Variants in DOP1B observed in about 807,000 individuals in gnomAD.
DOP1B encodes protein DOP1B.
A neutral mutation model predicts 233.5 loss-of-function variants in DOP1B; 174 were observed. The observed-to-expected ratio is 0.75, with a 90% CI of 0.66 to 0.85. The LOEUF is 0.85. Ranked by LOEUF, DOP1B falls within the 40% of genes least tolerant of loss-of-function variation. The pLI, the probability that DOP1B is intolerant of heterozygous loss-of-function variation, is 0.00. For missense variants in DOP1B, 2,652 were observed against 2,846.6 expected (o/e 0.93, Z 1.56); for synonymous variants, 1,190 against 1,185.6 (o/e 1.00, Z -0.08).
chr21:36,290,863 C>G (rs372589190), intron 35 of DOP1B, among the ~76,000 whole-genome samples: 9 of 149,496 alleles, frequency 6.0e-5, no homozygotes, highest in Admixed American at 6.0e-4. Context: ...CCAGCTACTT[C>G]GGAAGCTGAG....
At chr21:36,236,542 G>C (rs571522499) in intron 15 of DOP1B, among the ~76,000 whole-genome samples, 2 of 152,262 alleles carry the variant, frequency 1.3e-5, no homozygotes, top group African/African-American at 4.8e-5. Context: ...TCCCCAGAGG[G>C]TACATCTGTG....
chr21:36,268,208 G>T (rs530475116), intron 26 of DOP1B, among the ~76,000 whole-genome samples: 1 of 152,076 alleles, frequency 6.6e-6, no homozygotes, highest in Non-Finnish European at 1.5e-5. Flanking sequence ...TTCCCACAGT[G>T]GCTGTTTATA....
intron 2 of DOP1B, chr21:36,170,163 G>T (rs984615325): frequency 2.1e-6 from 1 of 487,648 alleles, no homozygotes. Flanking sequence ...TGGGAGTGGA[G>T]AACTTTCTGT....
rs754357679 is a variant in DOP1B, at chr21:36,208,878, A to ATG, written c.656_657dup (p.Leu220CysfsTer10). ...TGCCCCCGGCCGGGAGCAGAAGTAC[A>ATG]TGCTGGGGACCAATCACCAACTCAC... On this transcript the variant is annotated frameshift_variant, in exon 5 of 37. Coordinates refer to ENST00000691173, the MANE Select transcript of DOP1B (RefSeq NM_001320714.2). LOFTEE classifies it high-confidence loss of function. 19 of 1,549,730 alleles carry ATG rather than the reference A, an allele frequency of 1.2e-5. No homozygotes were observed. Among genetic ancestry groups the ATG allele is most frequent in the Non-Finnish European group, 1.7e-5 (19 of 1,148,682 alleles).
chr21:36,199,347 T>G lies in DOP1B; in HGVS notation c.320+96T>G, dbSNP rs190863577. 2.1e-6 allele frequency: 3 copies of G among 1,462,790 alleles called. No homozygotes were observed. In the African/African-American group the frequency reaches 4.2e-5, roughly 21 times the overall value. 90.6% of individuals were successfully genotyped at this position (1,462,790 alleles called of 1,614,324 possible). A position where few individuals can be genotyped will look rare whatever the true frequency, so the allele number is the denominator to read the frequency against. ...AAATGACAAACAGGCAAAATAAGCG[T>G]AGGGCTGTGTGTGCAACAGTTTATC... On this transcript the variant is annotated intron_variant, in intron 3 of 36. Coordinates refer to ENST00000691173, the MANE Select transcript of DOP1B (RefSeq NM_001320714.2).
At chr21:36,219,803 C>T (rs1482111002) in intron 10 of DOP1B, among the ~76,000 whole-genome samples, 11 of 150,882 alleles carry the variant, frequency 7.3e-5, no homozygotes, top group Admixed American at 1.3e-4. Context: ...GTATGAAACT[C>T]GTTTAACAAA....
rs753800302 is a variant in DOP1B at position 36,278,211 on chromosome 21, C to A, written c.5825C>A (p.Ala1942Asp). The A allele has an allele frequency of 6.2e-7, 1 of 1,613,928 alleles. No individual in the cohort carries two copies. The highest frequency in any genetic ancestry group is 1.1e-5 in the South Asian group (1 of 91,032). ...TCTCTCTTCCCACTCCCACTCAGTG[C>A]CTACAATGCTCCCAGCTTCCGGGCT... Reference protein sequence around the residue: ...YVFPYLRNHSAYNAPSFRAGA... With the variant: ...YVFPYLRNHSDYNAPSFRAGA... The change falls in exon 30 of 37, where the codon GCC becomes GAC. Residue 1942 changes from alanine (A) to aspartate (D), a missense_variant and splice_region_variant. Around this residue, in one of 3 missense-constraint regions of DOP1B, gnomAD observed 2,617 missense variants for 2,794.3 expected, o/e 0.94. Transcript: ENST00000691173.
At chr21:36,177,334 CATTTCTCTTTGCTGAAAAGAGT>C in intron 2 of DOP1B, among the ~76,000 whole-genome samples, 1 of 152,210 alleles carries the variant, frequency 6.6e-6, no homozygotes, top group Non-Finnish European at 1.5e-5. Context: ...TTGAAAAGAG[CATTTCTCTTTGCTGAAAAGAGT>C]CTGATATGCT....
chr21:36,267,187 C>G (rs1018644446), intron 26 of DOP1B, among the ~76,000 whole-genome samples: 1 of 152,232 alleles, frequency 6.6e-6, no homozygotes, highest in African/African-American at 2.4e-5. Context: ...TTCTGTCTCT[C>G]CAGCTACTAA....
At chr21:36,280,796 G>A (rs1463201285) in intron 31 of DOP1B, among the ~76,000 whole-genome samples, 1 of 152,166 alleles carries the variant, frequency 6.6e-6, no homozygotes, top group Non-Finnish European at 1.5e-5. Flanking sequence ...AGGGTCAGGA[G>A]ATCGAGACCA....
chr21:36,189,083 C>A (rs1057504634), intron 2 of DOP1B, among the ~76,000 whole-genome samples: 7 of 152,158 alleles, frequency 4.6e-5, no homozygotes, highest in Non-Finnish European at 1.0e-4. Context: ...ACACAGAATG[C>A]TTCTAAATCA....
At chr21:36,213,751 G>A (rs146036603) in intron 7 of DOP1B, among the ~76,000 whole-genome samples, 5,436 of 150,874 alleles carry the variant, frequency 0.036, 129 homozygotes, top group Non-Finnish European at 0.051. Context: ...TGTTGGCCAC[G>A]CTGGTTTCGA....
chr21:36,253,770 A>G lies in DOP1B; in HGVS notation c.5122-2A>G. On this transcript the variant is annotated splice_acceptor_variant, in intron 22 of 36. Transcript: ENST00000691173. LOFTEE classifies it high-confidence loss of function. Reference sequence around the variant, plus strand: ...TCAAGGAACTTTTTTTTTTCTTGGCAGATTATCCCAACGGCAAGTGCATCC... The same window carrying G: ...TCAAGGAACTTTTTTTTTTCTTGGCGGATTATCCCAACGGCAAGTGCATCC... 2 of 1,601,294 alleles carry G rather than the reference A, an allele frequency of 1.2e-6. No homozygotes were observed. Among genetic ancestry groups the G allele is most frequent in the Non-Finnish European group, 1.7e-6 (2 of 1,175,330 alleles).
intron 9 of DOP1B, among the ~76,000 whole-genome samples, chr21:36,217,677 G>C (rs1476640007): frequency 6.6e-6 from 1 of 152,122 alleles, no homozygotes; most frequent in East Asian, 1.9e-4. Context: ...GCTGCCTCAG[G>C]GTGTCTGCAC....
chr21:36,159,597 G>T (rs2065852420), intron 1 of DOP1B, among the ~76,000 whole-genome samples: 1 of 152,206 alleles, frequency 6.6e-6, no homozygotes, highest in African/African-American at 2.4e-5. Context: ...TCTCTCGTGT[G>T]CTGGTAGTTA....
intron 1 of DOP1B, among the ~76,000 whole-genome samples, chr21:36,162,345 C>T (rs1342436064): frequency 6.6e-6 from 1 of 152,142 alleles, no homozygotes; most frequent in African/African-American, 2.4e-5. Context: ...TAGGCATGTG[C>T]CACTACACCC....
At chr21:36,254,216 T>G (rs1458667469) in intron 23 of DOP1B, among the ~76,000 whole-genome samples, 1 of 152,026 alleles carries the variant, frequency 6.6e-6, no homozygotes, top group Non-Finnish European at 1.5e-5. Context: ...ATAAAATCTT[T>G]AGAAAGAGGA....
rs1057448297 is a variant in DOP1B, at chr21:36,257,730, A to G, written c.5260-2947A>G. On this transcript the variant is annotated intron_variant, in intron 23 of 36. Coordinates refer to ENST00000691173, the MANE Select transcript of DOP1B (RefSeq NM_001320714.2). ...TGGATGTAGGTAGGTAGGTAGGTAG[A>G]TAGATGTAGGTAGGTAGGTAGATGT... 9.4e-5 allele frequency among the ~76,000 whole-genome samples: 14 copies of G among 149,616 alleles called. No individual in the cohort carries two copies. The East Asian group carries it at 9.8e-4, about 11-fold the overall frequency.
intron 31 of DOP1B, 150 bp from the exon 32 acceptor site, chr21:36,281,331 AAT>A: frequency 1.4e-6 from 1 of 705,580 alleles, no homozygotes; most frequent in Admixed American, 3.2e-5. Flanking sequence ...CTATTTTTTA[AAT>A]ATACATGGGA....
Sources: allele counts gnomAD v4.1 joint callset (sites outside exome capture counted in the v4.1 genomes callset), GRCh38; gene constraint gnomAD v4.1.1; regional missense constraint gnomAD v4.1.1; transcripts MANE v1.5; gene names NCBI Gene and HGNC (gene_info 2026-07-23, HGNC 2026-07-21).